The following MRPL34 variants were observed in gnomAD, a reference collection of about 807,000 sequenced individuals.
The protein encoded by MRPL34 is large ribosomal subunit protein bL34m.
Under a neutral mutation model 6.7 loss-of-function variants are expected in MRPL34, and 8 were observed. That is an observed-to-expected ratio of 1.20 (90% CI 0.70 to 2.16). MRPL34 has a LOEUF of 2.16. MRPL34 is among the 30% of genes most tolerant of loss of function. The pLI is 0.00. For synonymous variants in MRPL34, 59 were observed against 55.1 expected, an observed-to-expected ratio of 1.07 and a Z score of -0.31; for missense variants, 146 against 125.5, an observed-to-expected ratio of 1.16 and a Z score of -0.78.
chr19:17,294,371 C>T (rs374194413), intron 1 of MRPL34: 3 of 1,613,746 alleles, frequency 1.9e-6, no homozygotes, highest in African/African-American at 1.3e-5. Context: ...GTGAGCTCGG[C>T]GTGGTAGACC....
chr19:17,294,861 G>T, intron 1 of MRPL34: 3 of 1,609,750 alleles, frequency 1.9e-6, no homozygotes, highest in Non-Finnish European at 1.7e-6. Flanking sequence ...CGGAACGGGT[G>T]GGGTGATAGG....
upstream of MRPL34, among the ~76,000 whole-genome samples, chr19:17,299,334 G>C (rs1429549379): frequency 2.6e-5 from 4 of 151,442 alleles, no homozygotes; most frequent in Non-Finnish European, 4.4e-5. Context: ...GGCCGAGGAG[G>C]GCGAATCACG....
At chr19:17,301,353 C>T (rs1159210410), upstream of MRPL34, 1 of 1,609,986 alleles carries the variant, frequency 6.2e-7, no homozygotes. Flanking sequence ...CCAGCAACCG[C>T]CCATTGCGGT....
intron 1 of MRPL34, 93 bp downstream of exon 1, chr19:17,306,050 G>T: frequency 6.4e-7 from 1 of 1,556,578 alleles, no homozygotes; most frequent in South Asian, 1.1e-5. Flanking sequence ...ACCTGCCAGT[G>T]CCTTGCGCAT....
At chr19:17,300,318 C>T (rs2074111668), upstream of MRPL34, among the ~76,000 whole-genome samples, 2 of 151,344 alleles carry the variant, frequency 1.3e-5, no homozygotes, top group Admixed American at 1.3e-4. Flanking sequence ...CAATCTCCTG[C>T]CTCAGCCCTT....
rs2074147193 is a variant in MRPL34, at chr19:17,306,234, G to C, written c.134G>C (p.Arg45Pro). The C allele has an allele frequency of 6.3e-7, 1 of 1,576,296 alleles. No individual in the cohort carries two copies. The highest frequency in any genetic ancestry group is 2.3e-5 in the East Asian group (1 of 42,722). The change falls in exon 2 of 2, where the codon CGG (arginine) becomes CCG (proline). Residue 45 changes from arginine to proline, a missense_variant. Physicochemically the swap from Arg to Pro is moderately radical, Grantham distance 103. Coordinates refer to ENST00000252602, the MANE Select transcript of MRPL34 (RefSeq NM_023937.4). ...GGCCTCCCCACCCCGCAGCAGGCCC[G>C]GGGCAAGGCTCGCGGGAATGAGTAT... ...AWGLPTPQQA[R>P]GKARGNEYQP...
chr19:17,297,674 A>G (rs1407498476), intron 1 of MRPL34: 1 of 152,062 alleles, frequency 6.6e-6, no homozygotes, highest in Non-Finnish European at 1.5e-5. Flanking sequence ...ATATAAACAA[A>G]TAAGAGCTGT....
chr19:17,298,516 T>A (rs2074103031), upstream of MRPL34: 1 of 152,126 alleles, frequency 6.6e-6, no homozygotes, highest in Non-Finnish European at 1.5e-5. Context: ...GTTGATTTTT[T>A]AACTTAGTCT....
chr19:17,295,295 T>C (rs963757466), intron 1 of MRPL34, among the ~76,000 whole-genome samples: 1 of 151,036 alleles, frequency 6.6e-6, no homozygotes, highest in Admixed American at 6.6e-5. Flanking sequence ...TTAGTAGAGA[T>C]GGGGTTTCAC....
Position 17,292,699 on chromosome 19 carries a change from G to T in MRPL34, c.59G>T (p.Gly20Val), listed in dbSNP as rs140486702. ...TCTGGAGGCGCCGGCAGTGGCTCCG[G>T]TAGAGCCTTGGGCGAGGGCTCGGGC... Residue 20 changes from glycine to valine, a missense_variant, in exon 1 of 3, where the codon GGT (glycine) becomes GTT (valine). By Grantham distance (109) the Gly-to-Val change is moderately radical. Transcript: ENST00000595444. 169 of 1,612,814 alleles carry T rather than the reference G, an allele frequency of 1.0e-4. No homozygotes were observed. The African/African-American group carries it at 1.9e-3, about 18-fold the overall frequency.
chr19:17,297,276 G>A (rs1599523552), intron 1 of MRPL34, among the ~76,000 whole-genome samples: 1 of 152,044 alleles, frequency 6.6e-6, no homozygotes, highest in Non-Finnish European at 1.5e-5. Context: ...GGGAACTATT[G>A]TAGGTGGGTG....
At chr19:17,301,542 C>T, upstream of MRPL34, 1 of 1,609,072 alleles carries the variant, frequency 6.2e-7, no homozygotes, top group Non-Finnish European at 8.5e-7. Flanking sequence ...ACTCGACGCT[C>T]TCCAGTGGCC....
chr19:17,294,251 G>C, intron 1 of MRPL34: 7 of 1,585,272 alleles, frequency 4.4e-6, no homozygotes, highest in Non-Finnish European at 6.0e-6. Context: ...GCACCCTGGG[G>C]ATTTGTAGCT....
At chr19:17,294,485 C>T (rs1170345450) in intron 1 of MRPL34, 5 of 1,614,072 alleles carry the variant, frequency 3.1e-6, no homozygotes, top group Non-Finnish European at 4.2e-6. Flanking sequence ...TCCTTGGCTC[C>T]TTGGCGGGCG....
intron 1 of MRPL34, chr19:17,292,978 G>A: frequency 1.1e-6 from 1 of 891,524 alleles, no homozygotes; most frequent in East Asian, 3.0e-5. Context: ...TTCCACTCAA[G>A]GGGGAGCTGG....
upstream of MRPL34, among the ~76,000 whole-genome samples, chr19:17,299,234 A>ACCC (rs34604672): frequency 0.028 from 3,598 of 128,680 alleles, 96 homozygotes; most frequent in African/African-American, 0.047. Context: ...ACATAATGAG[A>ACCC]CCCCCCCCCC....
upstream of MRPL34, chr19:17,301,773 T>G (rs1432882395): frequency 5.0e-6 from 4 of 796,954 alleles, no homozygotes; most frequent in African/African-American, 7.3e-5. Flanking sequence ...GAGATTTTTT[T>G]GTTTGTGTGT....
At chr19:17,297,551 C>A (rs2074098489) in intron 1 of MRPL34, among the ~76,000 whole-genome samples, 1 of 152,028 alleles carries the variant, frequency 6.6e-6, no homozygotes, top group African/African-American at 2.4e-5. Flanking sequence ...GCCTCGGCCT[C>A]CAAAAGTTCT....
chr19:17,295,090 ATTTTTTTTTTT>A (rs779607230), intron 1 of MRPL34, among the ~76,000 whole-genome samples: 7 of 80,412 alleles, frequency 8.7e-5, no homozygotes, highest in Non-Finnish European at 1.6e-4. Flanking sequence ...CACCCAGGTA[ATTTTTTTTTTT>A]TTTTTTTTTT....
Sources: gnomAD v4.1 joint callset for allele counts (sites outside exome capture counted in the v4.1 genomes callset) on GRCh38, gnomAD v4.1.1 for gene constraint, MANE v1.5 for transcripts, NCBI Gene and HGNC (gene_info 2026-07-23, HGNC 2026-07-21) for gene names.